The following CSMD3 variants were observed in gnomAD, a reference collection of about 807,000 sequenced individuals.
CSMD3 encodes the protein CUB and sushi domain-containing protein 3.
In CSMD3, 177 loss-of-function variants were observed where a neutral mutation model predicts 435.2. The observed-to-expected ratio is 0.41, with a 90% CI of 0.36 to 0.46. CSMD3 has a LOEUF of 0.46. Ranked by LOEUF, CSMD3 falls within the 20% of genes least tolerant of loss-of-function variation. The pLI is 0.34. For synonymous variants in CSMD3, 1,656 were observed against 1,520.5 expected (o/e 1.09, Z -2.07); for missense variants, 4,265 against 4,504.6 (o/e 0.95, Z 1.52).
In CSMD3 at chr8:112,246,832, C is replaced by A. The variant is rs1392223613; in HGVS notation, c.10222+188G>T. Among the ~76,000 whole-genome samples the A allele has an allele frequency of 2.0e-5, 3 of 152,086 alleles. No individual in the cohort carries two copies. In the East Asian group the frequency reaches 5.8e-4, roughly 29 times the overall value. ...ATTGTGCCTTGTGCTTTCTGACTTA[C>A]TTAGAGAGTGCTTCCCAATGGCCAT... On this transcript the variant is annotated intron_variant, in intron 64 of 70. Transcript: ENST00000297405.
chr8:113,235,440 A>C (rs2093137254), intron 3 of CSMD3, among the ~76,000 whole-genome samples: 1 of 152,164 alleles, frequency 6.6e-6, no homozygotes, highest in South Asian at 2.1e-4. Flanking sequence ...AGTCAGGTAT[A>C]AGAATAATTT....
intron 54 of CSMD3, among the ~76,000 whole-genome samples, chr8:112,294,291 G>T (rs1820052461): frequency 6.6e-6 from 1 of 152,014 alleles, no homozygotes; most frequent in African/African-American, 2.4e-5. Flanking sequence ...CAGATTAAAT[G>T]AAATATTTCC....
At chr8:112,459,757 A>G (rs2130667450) in intron 32 of CSMD3, among the ~76,000 whole-genome samples, 1 of 152,270 alleles carries the variant, frequency 6.6e-6, no homozygotes, top group African/African-American at 2.4e-5. Context: ...CATACCAGGC[A>G]CTTCATAATC....
intron 65 of CSMD3, 129 bp downstream of exon 65, chr8:112,244,265 T>C (rs548321541): frequency 1.3e-6 from 1 of 741,976 alleles, no homozygotes; most frequent in South Asian, 1.5e-5. Context: ...TTTACATTAC[T>C]CCTAGACTTG....
intron 4 of CSMD3, among the ~76,000 whole-genome samples, chr8:113,104,594 C>T (rs964430753): frequency 3.1e-4 from 47 of 152,122 alleles, no homozygotes; most frequent in Admixed American, 2.7e-3. Context: ...AATAACACTT[C>T]AGATTGATAA....
At chr8:112,491,882 T>C (rs543273783) in intron 31 of CSMD3, among the ~76,000 whole-genome samples, 3 of 152,242 alleles carry the variant, frequency 2.0e-5, no homozygotes, top group Admixed American at 6.5e-5. Flanking sequence ...ACTAGGATCA[T>C]TCAATGGATT....
chr8:113,104,875 G>T lies in CSMD3; in HGVS notation c.710-5912C>A, dbSNP rs1029107471. ...GTATAATGGCATTTTAGCTTTGAAG[G>T]TTTATTTTTGAATGCACAAATATGC... On this transcript the variant is annotated intron_variant, in intron 4 of 70. Transcript: ENST00000297405. 5.3e-5 allele frequency among the ~76,000 whole-genome samples: 8 copies of T among 152,074 alleles called. No homozygotes were observed. The South Asian group carries it at 1.5e-3, about 28-fold the overall frequency.
intron 13 of CSMD3, among the ~76,000 whole-genome samples, chr8:112,694,342 C>A (rs762086729): frequency 2.0e-5 from 3 of 151,968 alleles, no homozygotes; most frequent in Non-Finnish European, 4.4e-5. Flanking sequence ...TGATAACAAA[C>A]ATTTATTTAT....
At chr8:113,117,466 G>A (rs1000482865) in intron 4 of CSMD3, among the ~76,000 whole-genome samples, 2 of 152,194 alleles carry the variant, frequency 1.3e-5, no homozygotes, top group African/African-American at 2.4e-5. Flanking sequence ...CTGTGGAAGT[G>A]GAGCCCTCAT....
intron 3 of CSMD3, among the ~76,000 whole-genome samples, chr8:113,175,353 A>T (rs1393927069): frequency 6.6e-6 from 1 of 151,966 alleles, no homozygotes; most frequent in East Asian, 1.9e-4. Flanking sequence ...GAGTTTTAAA[A>T]ATGTAGTTTT....
intron 4 of CSMD3, among the ~76,000 whole-genome samples, chr8:113,106,911 T>C (rs1315827124): frequency 6.6e-6 from 1 of 152,192 alleles, no homozygotes; most frequent in Non-Finnish European, 1.5e-5. Flanking sequence ...CCATTGAAAG[T>C]GTACAATTCA....
intron 5 of CSMD3, among the ~76,000 whole-genome samples, chr8:113,036,812 T>A (rs1288122364): frequency 6.6e-6 from 1 of 152,138 alleles, no homozygotes; most frequent in South Asian, 2.1e-4. Context: ...GCAAAATTTA[T>A]TAATCCTGAT....
intron 27 of CSMD3, among the ~76,000 whole-genome samples, chr8:112,527,815 G>A (rs1286868246): frequency 3.3e-5 from 5 of 152,004 alleles, no homozygotes; most frequent in African/African-American, 1.2e-4. Context: ...AACTTGCATT[G>A]GAATTTAAGT....
chr8:112,436,632 A>G (rs960212874), intron 32 of CSMD3, among the ~76,000 whole-genome samples: 1 of 144,032 alleles, frequency 6.9e-6, no homozygotes, highest in Non-Finnish European at 1.6e-5. Flanking sequence ...TTGTGTATAC[A>G]TATAAAAAAA....
intron 13 of CSMD3, among the ~76,000 whole-genome samples, chr8:112,771,987 G>A (rs1378068658): frequency 6.6e-6 from 1 of 151,832 alleles, no homozygotes; most frequent in Non-Finnish European, 1.5e-5. Flanking sequence ...AAACTTCCTT[G>A]AATCAGAAAT....
At chr8:113,124,396 C>T (rs575463399) in intron 4 of CSMD3, among the ~76,000 whole-genome samples, 46 of 151,380 alleles carry the variant, frequency 3.0e-4, no homozygotes, top group African/African-American at 9.5e-4. Flanking sequence ...CATTATTTAA[C>T]GAGACATCAT....
At chr8:113,235,988 A>G (rs1159900125) in intron 3 of CSMD3, among the ~76,000 whole-genome samples, 1 of 152,136 alleles carries the variant, frequency 6.6e-6, no homozygotes, top group Admixed American at 6.6e-5. Context: ...CATCAGCACT[A>G]AAAGCCAAAG....
intron 13 of CSMD3, among the ~76,000 whole-genome samples, chr8:112,794,414 C>T (rs1409986730): frequency 6.6e-6 from 1 of 151,158 alleles, no homozygotes; most frequent in African/African-American, 2.4e-5. Context: ...TCTGCCTCAG[C>T]CTCTGGAGTA....
intron 20 of CSMD3, among the ~76,000 whole-genome samples, chr8:112,643,044 T>C (rs1034294341): frequency 1.3e-5 from 2 of 152,076 alleles, no homozygotes; most frequent in African/African-American, 4.8e-5. Flanking sequence ...ACTAGGAGTG[T>C]TTAGTCTGGG....
Sources: gnomAD v4.1 joint callset for allele counts (sites outside exome capture counted in the v4.1 genomes callset) on GRCh38, gnomAD v4.1.1 for gene constraint, MANE v1.5 for transcripts, NCBI Gene and HGNC (gene_info 2026-07-23, HGNC 2026-07-21) for gene names.